SH2D4A: variants seen among roughly 807,000 people sequenced by gnomAD.
The protein encoded by SH2D4A is SH2 domain-containing protein 4A.
SH2D4A carries 70 observed loss-of-function variants against 64.7 expected under a neutral mutation model. The observed-to-expected ratio is 1.08, with a 90% CI of 0.89 to 1.32. SH2D4A has a LOEUF of 1.32. SH2D4A is among the 40% of genes most tolerant of loss of function. SH2D4A has a pLI of 0.00. For missense variants in SH2D4A, 706 were observed against 540.1 expected, an observed-to-expected ratio of 1.31 and a Z score of -3.04; for synonymous variants, 268 against 200.7, an observed-to-expected ratio of 1.34 and a Z score of -2.83.
chr8:19,384,551 T>C (rs1359177326), intron 8 of SH2D4A, among the ~76,000 whole-genome samples: 1 of 152,192 alleles, frequency 6.6e-6, no homozygotes, highest in African/African-American at 2.4e-5. Flanking sequence ...GATTCCAACA[T>C]TAAGAAAGAC....
chr8:19,314,315 G>T (rs2052048372), intron 1 of SH2D4A, among the ~76,000 whole-genome samples: 1 of 152,136 alleles, frequency 6.6e-6, no homozygotes, highest in African/African-American at 2.4e-5. Flanking sequence ...TTCCAGGAGG[G>T]AAGTCCCGGG....
At chr8:19,322,998 G>A (rs997284222) in intron 2 of SH2D4A, among the ~76,000 whole-genome samples, 1 of 152,064 alleles carries the variant, frequency 6.6e-6, no homozygotes, top group Non-Finnish European at 1.5e-5. Flanking sequence ...GTAATCTGAA[G>A]GCTGAAGTAG....
intron 8 of SH2D4A, among the ~76,000 whole-genome samples, chr8:19,374,563 C>A (rs1457797852): frequency 6.6e-6 from 1 of 152,190 alleles, no homozygotes; most frequent in Non-Finnish European, 1.5e-5. Flanking sequence ...CTCCCAAACA[C>A]ATATCATGGG....
At chr8:19,356,788 G>T (rs1475879432) in intron 4 of SH2D4A, among the ~76,000 whole-genome samples, 2 of 152,228 alleles carry the variant, frequency 1.3e-5, no homozygotes, top group Non-Finnish European at 2.9e-5. Context: ...ATGTCTGCAA[G>T]GCATCATATA....
intron 7 of SH2D4A, among the ~76,000 whole-genome samples, chr8:19,366,409 G>A (rs1221168312): frequency 6.6e-6 from 1 of 152,110 alleles, no homozygotes; most frequent in Non-Finnish European, 1.5e-5. Flanking sequence ...TATTTCTGCT[G>A]TCTCACTGTA....
intron 4 of SH2D4A, among the ~76,000 whole-genome samples, chr8:19,340,801 T>C (rs1317344494): frequency 1.3e-5 from 2 of 152,064 alleles, no homozygotes; most frequent in African/African-American, 4.8e-5. Context: ...TTTCACTGTG[T>C]TGCCCAGGCT....
At chr8:19,390,744 G>C (rs2053478902) in intron 8 of SH2D4A, among the ~76,000 whole-genome samples, 1 of 152,146 alleles carries the variant, frequency 6.6e-6, no homozygotes, top group South Asian at 2.1e-4. Flanking sequence ...CCTGTGCTTT[G>C]CCATCAACAT....
At chr8:19,336,886 A>G (rs1025762236) in intron 4 of SH2D4A, among the ~76,000 whole-genome samples, 1 of 152,078 alleles carries the variant, frequency 6.6e-6, no homozygotes, top group African/African-American at 2.4e-5. Context: ...AGTATTAAGT[A>G]TGTATGCTTA....
chr8:19,384,433 CTCT>C (rs1387195856), intron 8 of SH2D4A, among the ~76,000 whole-genome samples: 2 of 152,218 alleles, frequency 1.3e-5, no homozygotes, highest in African/African-American at 4.8e-5. Context: ...CACCCTTTAT[CTCT>C]TCTTATCCCA....
chr8:19,319,256 T>A, intron 1 of SH2D4A, 88 bp from the exon 2 acceptor site: 1 of 1,006,694 alleles, frequency 9.9e-7, no homozygotes, highest in Non-Finnish European at 1.2e-6. Context: ...ATACTGTGTT[T>A]CCTCCTAGCT....
chr8:19,357,880 G>A lies in SH2D4A; in HGVS notation c.594+597G>A, dbSNP rs147027506. On this transcript the variant is annotated intron_variant, in intron 5 of 9. Transcript: ENST00000265807. ...AAGCTGTAGTAGGATTTGACCTACC[G>A]AGAGTCTGAAACAGCAGCGTAAGAT... Among the ~76,000 whole-genome samples, 456 of 152,300 alleles carry A rather than the reference G, an allele frequency of 3.0e-3. 4 individuals carry two copies. Among genetic ancestry groups the A allele is most frequent in the African/African-American group, 0.01 (420 of 41,562 alleles).
chr8:19,346,880 A>G (rs1452118634), intron 4 of SH2D4A, among the ~76,000 whole-genome samples: 1 of 152,180 alleles, frequency 6.6e-6, no homozygotes, highest in Non-Finnish European at 1.5e-5. Flanking sequence ...TAGAGCAATA[A>G]AAGATATTGT....
intron 6 of SH2D4A, 100 bp from the exon 7 acceptor site, chr8:19,363,972 C>T: frequency 9.1e-7 from 1 of 1,099,402 alleles, no homozygotes; most frequent in Non-Finnish European, 1.3e-6. Context: ...CAACAAACTG[C>T]TGAGAACCTG....
intron 9 of SH2D4A, among the ~76,000 whole-genome samples, chr8:19,394,274 C>T (rs1052296376): frequency 6.6e-6 from 1 of 152,150 alleles, no homozygotes; most frequent in African/African-American, 2.4e-5. Flanking sequence ...CTATACAGCC[C>T]AGTTCTAACA....
chr8:19,377,930 G>A (rs1456993878), intron 8 of SH2D4A, among the ~76,000 whole-genome samples: 1 of 152,108 alleles, frequency 6.6e-6, no homozygotes, highest in Non-Finnish European at 1.5e-5. Flanking sequence ...ACTCCTACCA[G>A]CTGTACTTGA....
At position 19,331,520 on chromosome 8, in the gene SH2D4A, C is replaced by T. The variant is rs1158616334; in HGVS notation, c.182-1435C>T. Reference sequence around the variant, plus strand: ...TTTAAGGGAGCATGACCGATGTGGCCGCATTTCAGGAGCACTAGGATATAA... The same window carrying T: ...TTTAAGGGAGCATGACCGATGTGGCTGCATTTCAGGAGCACTAGGATATAA... On this transcript the variant is annotated intron_variant, in intron 2 of 9. Coordinates refer to ENST00000265807, the MANE Select transcript of SH2D4A (RefSeq NM_022071.4). 5.3e-5 allele frequency among the ~76,000 whole-genome samples: 8 copies of T among 152,184 alleles called. No individual in the cohort carries two copies. In the South Asian group the frequency reaches 6.2e-4, roughly 12 times the overall value.
chr8:19,391,858 G>A (rs2053498526), intron 8 of SH2D4A, among the ~76,000 whole-genome samples: 1 of 152,196 alleles, frequency 6.6e-6, no homozygotes, highest in South Asian at 2.1e-4. Flanking sequence ...TTTTCCTGAG[G>A]TGGTTCTGTT....
rs2053109714 is a variant in SH2D4A at position 19,372,055 on chromosome 8, G to C, written c.918-1475G>C. Among the ~76,000 whole-genome samples, 4 of 152,280 alleles carry C rather than the reference G, an allele frequency of 2.6e-5. No homozygotes were observed. In the South Asian group the frequency reaches 8.3e-4, roughly 32 times the overall value. Reference sequence around the variant, plus strand: ...TGGTATCTTATTTTGTACACTTGGTGAGGTCATATTGTCCTGAGTCTTCTT... The same window carrying C: ...TGGTATCTTATTTTGTACACTTGGTCAGGTCATATTGTCCTGAGTCTTCTT... On this transcript the variant is annotated intron_variant, in intron 7 of 9. Coordinates refer to ENST00000265807, the MANE Select transcript of SH2D4A (RefSeq NM_022071.4).
chr8:19,344,889 A>T (rs1418332993), intron 4 of SH2D4A, among the ~76,000 whole-genome samples: 1 of 152,170 alleles, frequency 6.6e-6, no homozygotes, highest in Non-Finnish European at 1.5e-5. Flanking sequence ...AGTTACTGTA[A>T]ATAGCCTCGT....
Sources: allele counts gnomAD v4.1 joint callset (sites outside exome capture counted in the v4.1 genomes callset), GRCh38; gene constraint gnomAD v4.1.1; transcripts MANE v1.5; gene names NCBI Gene and HGNC (gene_info 2026-07-23, HGNC 2026-07-21).